ADARB2: variants seen among roughly 807,000 people sequenced by gnomAD.
The protein encoded by ADARB2 is inactive double-stranded RNA-specific editase B2.
In ADARB2, 25 loss-of-function variants were observed where a neutral mutation model predicts 62.2. The ratio of observed to expected loss-of-function variants is 0.40; its 90% CI spans 0.29 to 0.56. The LOEUF (loss-of-function observed/expected upper bound fraction) is 0.56, where lower values mean the gene tolerates loss of function less well. Ranked by LOEUF, ADARB2 falls within the 20% of genes least tolerant of loss-of-function variation. The pLI is 0.43. For synonymous variants in ADARB2, 572 were observed against 500.8 expected, an observed-to-expected ratio of 1.14 and a Z score of -1.90; for missense variants, 1,071 against 1,077.4, an observed-to-expected ratio of 0.99 and a Z score of 0.08.
chr10:1,588,556 C>G (rs1301481706), intron 1 of ADARB2, among the ~76,000 whole-genome samples: 1 of 152,180 alleles, frequency 6.6e-6, no homozygotes, highest in Non-Finnish European at 1.5e-5. Flanking sequence ...AAGATGGCAC[C>G]AAGAGTCACC....
intron 1 of ADARB2, among the ~76,000 whole-genome samples, chr10:1,642,403 G>A (rs975556963): frequency 2.0e-5 from 3 of 152,150 alleles, no homozygotes; most frequent in African/African-American, 7.2e-5. Flanking sequence ...CCTGGGATGA[G>A]TTAAGTATTA....
chr10:1,678,723 G>T (rs1017399829), intron 1 of ADARB2, among the ~76,000 whole-genome samples: 2 of 152,070 alleles, frequency 1.3e-5, no homozygotes, highest in African/African-American at 4.8e-5. Context: ...CTCCACTGTG[G>T]AGTTTGCCCG....
intron 4 of ADARB2, among the ~76,000 whole-genome samples, chr10:1,262,181 T>C (rs1232078451): frequency 2.8e-5 from 4 of 142,940 alleles, no homozygotes; most frequent in Admixed American, 2.8e-4. Flanking sequence ...TTGGGAGATA[T>C]ACCTAATGCT....
chr10:1,362,952 C>A, intron 3 of ADARB2, 76 bp downstream of exon 3: 2 of 1,237,060 alleles, frequency 1.6e-6, no homozygotes, highest in African/African-American at 3.1e-5. Flanking sequence ...GGACGCCACT[C>A]CCAACAGGGA....
Position 1,641,264 on chromosome 10 carries a change from G to T in ADARB2, c.100+95787C>A, listed in dbSNP as rs147795679. Among the ~76,000 whole-genome samples, 93 of 152,294 alleles carry T rather than the reference G, an allele frequency of 6.1e-4. No individual in the cohort carries two copies. In the Middle Eastern group the frequency reaches 0.01, roughly 17 times the overall value. On this transcript the variant is annotated intron_variant, in intron 1 of 9. Transcript: ENST00000381312. Reference sequence around the variant, plus strand: ...ACAAAGCATGGATTAGCTCCAAAAGGGTCTAAAAGCTGATAAGCTCCAATC... The same window carrying T: ...ACAAAGCATGGATTAGCTCCAAAAGTGTCTAAAAGCTGATAAGCTCCAATC...
At chr10:1,293,228 G>GAA (rs770654596) in intron 3 of ADARB2, among the ~76,000 whole-genome samples, 1 of 108,450 alleles carries the variant, frequency 9.2e-6, no homozygotes, top group Non-Finnish European at 1.9e-5. Flanking sequence ...GAGAGGGACG[G>GAA]GGAGGGAGAG....
chr10:1,558,635 C>A (rs1832743180), intron 1 of ADARB2, among the ~76,000 whole-genome samples: 1 of 138,392 alleles, frequency 7.2e-6, no homozygotes, highest in Non-Finnish European at 1.6e-5. Context: ...CGAATCCCAC[C>A]TCTGCCCCCC....
chr10:1,558,047 C>T (rs989671966), intron 1 of ADARB2, among the ~76,000 whole-genome samples: 2 of 152,194 alleles, frequency 1.3e-5, no homozygotes, highest in African/African-American at 2.4e-5. Flanking sequence ...GGCATCACCC[C>T]AGGCCCAGCA....
intron 1 of ADARB2, among the ~76,000 whole-genome samples, chr10:1,506,481 C>T (rs983644184): frequency 2.0e-5 from 3 of 152,180 alleles, no homozygotes; most frequent in Admixed American, 6.5e-5. Flanking sequence ...AACTCTGCAG[C>T]GCTTTTCTGT....
chr10:1,683,838 G>A (rs946321898), intron 1 of ADARB2, among the ~76,000 whole-genome samples: 1 of 152,226 alleles, frequency 6.6e-6, no homozygotes, highest in Non-Finnish European at 1.5e-5. Flanking sequence ...ATAAGAAGGC[G>A]GTGGGGCTGA....
chr10:1,254,273 A>G lies in ADARB2; in HGVS notation c.1193-11974T>C, dbSNP rs369132529. Among the ~76,000 whole-genome samples the G allele has an allele frequency of 2.6e-5, 4 of 152,220 alleles. No individual in the cohort carries two copies. In the East Asian group the frequency reaches 7.7e-4, roughly 29 times the overall value. On this transcript the variant is annotated intron_variant, in intron 4 of 9. Coordinates refer to ENST00000381312, the MANE Select transcript of ADARB2 (RefSeq NM_018702.4). The stretch of plus-strand genomic sequence containing the variant: ...ACTCCAGTGCCTGTGAGGCAGTAGT[A>G]GTTTCTGGAGGGCCTCCTGTTGTAT...
chr10:1,422,727 C>G (rs951969327), intron 1 of ADARB2, among the ~76,000 whole-genome samples: 35 of 152,234 alleles, frequency 2.3e-4, no homozygotes, highest in African/African-American at 8.4e-4. Flanking sequence ...AATGACCACC[C>G]ATCTGTCAAT....
At chr10:1,526,756 G>A (rs1046788326) in intron 1 of ADARB2, 3 of 443,714 alleles carry the variant, frequency 6.8e-6, no homozygotes, top group Non-Finnish European at 1.4e-5. Flanking sequence ...CAACACACAC[G>A]GACTGAGCCG....
At chr10:1,502,163 G>T (rs1588279469) in intron 1 of ADARB2, among the ~76,000 whole-genome samples, 1 of 152,362 alleles carries the variant, frequency 6.6e-6, no homozygotes, top group East Asian at 1.9e-4. Flanking sequence ...CTTTCACAGC[G>T]AAAGGAGACT....
At chr10:1,606,935 G>A (rs556581966) in intron 1 of ADARB2, among the ~76,000 whole-genome samples, 2 of 152,200 alleles carry the variant, frequency 1.3e-5, no homozygotes, top group East Asian at 3.9e-4. Context: ...CAGAATGTGG[G>A]GCAAATAGAC....
At chr10:1,647,720 A>G (rs988944214) in intron 1 of ADARB2, among the ~76,000 whole-genome samples, 3 of 151,636 alleles carry the variant, frequency 2.0e-5, no homozygotes, top group Non-Finnish European at 4.4e-5. Context: ...ATATGCATGT[A>G]TGTGCATGCA....
chr10:1,721,870 G>A (rs1835098010), intron 1 of ADARB2, among the ~76,000 whole-genome samples: 1 of 152,102 alleles, frequency 6.6e-6, no homozygotes. Context: ...GTCTCCATCT[G>A]CCCCCTTGTC....
At chr10:1,729,914 G>A (rs1240349723) in intron 1 of ADARB2, among the ~76,000 whole-genome samples, 1 of 152,198 alleles carries the variant, frequency 6.6e-6, no homozygotes, top group African/African-American at 2.4e-5. Flanking sequence ...CTGTCTGTCG[G>A]CAGTGGGAAA....
chr10:1,510,105 T>C (rs1311202843), intron 1 of ADARB2, among the ~76,000 whole-genome samples: 4 of 125,116 alleles, frequency 3.2e-5, no homozygotes, highest in African/African-American at 1.2e-4. Context: ...CTTTTCTTTC[T>C]TTCTCTCTTT....
Sources: gnomAD v4.1 joint callset for allele counts (sites outside exome capture counted in the v4.1 genomes callset) on GRCh38, gnomAD v4.1.1 for gene constraint, MANE v1.5 for transcripts, NCBI Gene and HGNC (gene_info 2026-07-23, HGNC 2026-07-21) for gene names.